Variants in PACRG observed in about 807,000 individuals in gnomAD.
The protein encoded by PACRG is parkin coregulated.
Under a neutral mutation model 29.7 loss-of-function variants are expected in PACRG, and 29 were observed. The observed-to-expected ratio is 0.98, with a 90% CI of 0.73 to 1.33. The LOEUF (loss-of-function observed/expected upper bound fraction) is 1.33, where lower values mean the gene tolerates loss of function less well. PACRG is among the 40% of genes most tolerant of loss of function. The probability of loss-of-function intolerance (pLI) is 0.00; values close to 1 mark genes in which losing one functional copy is unlikely to be tolerated. For synonymous variants in PACRG, 116 were observed against 118.7 expected (o/e 0.98, Z 0.15); for missense variants, 279 against 316.2 (o/e 0.88, Z 0.89).
chr6:162,884,417 T>C (rs1233498774), intron 2 of PACRG, among the ~76,000 whole-genome samples: 1 of 152,174 alleles, frequency 6.6e-6, no homozygotes, highest in Admixed American at 6.5e-5. Flanking sequence ...TGCATAAAAA[T>C]ACATATATAC....
At chr6:162,827,695 T>C (rs1788402846) in intron 2 of PACRG, among the ~76,000 whole-genome samples, 1 of 152,184 alleles carries the variant, frequency 6.6e-6, no homozygotes, top group Non-Finnish European at 1.5e-5. Flanking sequence ...GACATCTCTG[T>C]GCATGTAGAT....
At chr6:163,115,213 C>T (rs1488908088) in intron 4 of PACRG, among the ~76,000 whole-genome samples, 3 of 152,076 alleles carry the variant, frequency 2.0e-5, no homozygotes, top group South Asian at 4.1e-4. Context: ...TGAATAAAGG[C>T]GATGTAGGCT....
intron 2 of PACRG, among the ~76,000 whole-genome samples, chr6:162,838,599 T>A (rs1263141006): frequency 2.6e-5 from 4 of 152,060 alleles, no homozygotes; most frequent in Non-Finnish European, 5.9e-5. Context: ...ATCATTTTTT[T>A]TTATTATTAT....
chr6:162,892,188 A>G (rs892734773), intron 2 of PACRG, among the ~76,000 whole-genome samples: 3 of 152,204 alleles, frequency 2.0e-5, no homozygotes, highest in Non-Finnish European at 4.4e-5. Context: ...TTGCAGTCTG[A>G]CAATGGAACA....
chr6:163,152,063 T>A (rs1470198803), intron 4 of PACRG, among the ~76,000 whole-genome samples: 1 of 152,210 alleles, frequency 6.6e-6, no homozygotes, highest in African/African-American at 2.4e-5. Flanking sequence ...GAACTTTATA[T>A]TTTAAGTACC....
rs150249333 is a variant in PACRG at position 162,894,617 on chromosome 6, C to T, written c.291+80336C>T. On this transcript the variant is annotated intron_variant, in intron 2 of 4. Coordinates refer to ENST00000366888, the MANE Select transcript of PACRG (RefSeq NM_001080379.2). ...AATGCCTGTGGCCTGCAAGGCTTCT[C>T]GATATTCTAAGGTGACATGGATTGC... Among the ~76,000 whole-genome samples, 20 of 152,110 alleles carry T rather than the reference C, an allele frequency of 1.3e-4. No homozygotes were observed. The East Asian group carries it at 3.5e-3, about 26-fold the overall frequency.
chr6:163,124,711 G>A (rs188629355), intron 4 of PACRG, among the ~76,000 whole-genome samples: 8 of 152,164 alleles, frequency 5.3e-5, no homozygotes, highest in Non-Finnish European at 1.2e-4. Context: ...GCTGCAGTTC[G>A]GCACCAGTGG....
intron 3 of PACRG, among the ~76,000 whole-genome samples, chr6:163,064,566 T>C (rs765487361): frequency 6.6e-6 from 1 of 152,192 alleles, no homozygotes; most frequent in Non-Finnish European, 1.5e-5. Flanking sequence ...TTTATGTCAC[T>C]AAAAGCAGAC....
At chr6:163,042,269 A>G (rs1366355435) in intron 2 of PACRG, among the ~76,000 whole-genome samples, 1 of 152,216 alleles carries the variant, frequency 6.6e-6, no homozygotes, top group Non-Finnish European at 1.5e-5. Context: ...AGCCAGGAGC[A>G]AGGGGAATTG....
intron 2 of PACRG, among the ~76,000 whole-genome samples, chr6:163,013,244 A>G (rs1308539246): frequency 2.0e-5 from 3 of 150,230 alleles, no homozygotes; most frequent in East Asian, 2.0e-4. Context: ...AAAAACCTGG[A>G]TGGTAATTTG....
At chr6:162,927,506 C>G (rs886121455) in intron 2 of PACRG, among the ~76,000 whole-genome samples, 5 of 152,052 alleles carry the variant, frequency 3.3e-5, no homozygotes, top group African/African-American at 1.2e-4. Context: ...TCTGCAGGGA[C>G]ATGGATGGAG....
At chr6:162,810,854 A>C (rs1786800584) in intron 1 of PACRG, among the ~76,000 whole-genome samples, 1 of 152,212 alleles carries the variant, frequency 6.6e-6, no homozygotes, top group African/African-American at 2.4e-5. Context: ...AGGAAAAAGA[A>C]GCCAGGCCAA....
intron 2 of PACRG, among the ~76,000 whole-genome samples, chr6:163,024,394 G>A (rs898273108): frequency 1.3e-5 from 2 of 152,078 alleles, no homozygotes; most frequent in African/African-American, 4.8e-5. Flanking sequence ...AGGGTATGCA[G>A]CTTTATTTAT....
chr6:163,045,867 G>A (rs1198410896), intron 2 of PACRG, among the ~76,000 whole-genome samples: 1 of 152,048 alleles, frequency 6.6e-6, no homozygotes, highest in Non-Finnish European at 1.5e-5. Context: ...ACCCGCCTCA[G>A]CCTCCCAAAC....
At chr6:162,951,504 C>T (rs1165021504) in intron 2 of PACRG, among the ~76,000 whole-genome samples, 2 of 152,122 alleles carry the variant, frequency 1.3e-5, no homozygotes, top group Non-Finnish European at 2.9e-5. Context: ...TCTGTTTTAT[C>T]ACCAAACATA....
chr6:162,872,197 T>C (rs1456282027), intron 2 of PACRG, among the ~76,000 whole-genome samples: 1 of 143,312 alleles, frequency 7.0e-6, no homozygotes, highest in South Asian at 2.3e-4. Context: ...CCAGGGCTTC[T>C]AACTCCAGAT....
chr6:163,221,916 T>C (rs1781595076), intron 4 of PACRG, among the ~76,000 whole-genome samples: 1 of 152,160 alleles, frequency 6.6e-6, no homozygotes, highest in Non-Finnish European at 1.5e-5. Flanking sequence ...GAAGAATATT[T>C]TCTAATCCGC....
intron 4 of PACRG, among the ~76,000 whole-genome samples, chr6:163,210,358 A>G (rs1484467171): frequency 6.6e-6 from 1 of 152,220 alleles, no homozygotes; most frequent in African/African-American, 2.4e-5. Flanking sequence ...AAAAGTGCCA[A>G]GTATTCAATT....
chr6:163,235,309 AT>A (rs1381398206), intron 4 of PACRG, among the ~76,000 whole-genome samples: 6 of 152,184 alleles, frequency 3.9e-5, no homozygotes, highest in Non-Finnish European at 7.3e-5. Flanking sequence ...TTTCTTCTCC[AT>A]TGATAAAGCA....
Sources: gnomAD v4.1 joint callset for allele counts (sites outside exome capture counted in the v4.1 genomes callset) on GRCh38, gnomAD v4.1.1 for gene constraint, MANE v1.5 for transcripts, NCBI Gene and HGNC (gene_info 2026-07-23, HGNC 2026-07-21) for gene names.